CDK14: variants seen among roughly 807,000 people sequenced by gnomAD.
The protein encoded by CDK14 is cyclin-dependent kinase 14.
A neutral mutation model predicts 60.7 loss-of-function variants in CDK14; 34 were observed. The observed-to-expected ratio is 0.56, with a 90% CI of 0.43 to 0.75. The LOEUF is 0.75. CDK14 is among the 30% of genes least tolerant of loss of function. CDK14 has a pLI of 0.00. For synonymous variants in CDK14, 197 were observed against 203.7 expected, an observed-to-expected ratio of 0.97 and a Z score of 0.28; for missense variants, 482 against 564.1, an observed-to-expected ratio of 0.85 and a Z score of 1.47.
chr7:90,640,501 G>T (rs1800299955), intron 2 of CDK14, among the ~76,000 whole-genome samples: 1 of 152,026 alleles, frequency 6.6e-6, no homozygotes, highest in African/African-American at 2.4e-5. Flanking sequence ...ATTTCATTAG[G>T]TTGAAATTTG....
At chr7:90,878,837 T>G (rs1185659215) in intron 6 of CDK14, among the ~76,000 whole-genome samples, 1 of 152,222 alleles carries the variant, frequency 6.6e-6, no homozygotes, top group Non-Finnish European at 1.5e-5. Context: ...TAACTTTTTC[T>G]AAGGCTACTA....
chr7:90,835,778 G>T (rs1431411907), intron 5 of CDK14, among the ~76,000 whole-genome samples: 2 of 152,102 alleles, frequency 1.3e-5, no homozygotes, highest in African/African-American at 4.8e-5. Context: ...GTACCGTTAG[G>T]TGATTCCATC....
intron 5 of CDK14, among the ~76,000 whole-genome samples, chr7:90,861,612 G>A (rs767033686): frequency 2.0e-5 from 3 of 152,126 alleles, no homozygotes; most frequent in Non-Finnish European, 2.9e-5. Context: ...AGAGTCAAAC[G>A]GTGGTACCTG....
intron 2 of CDK14, among the ~76,000 whole-genome samples, chr7:90,617,046 T>A (rs1799664924): frequency 6.6e-6 from 1 of 152,198 alleles, no homozygotes; most frequent in Non-Finnish European, 1.5e-5. Flanking sequence ...ATTTTAATAT[T>A]TGCTATTAAG....
intron 5 of CDK14, among the ~76,000 whole-genome samples, chr7:90,830,614 G>A (rs1348593077): frequency 1.3e-5 from 2 of 152,128 alleles, no homozygotes; most frequent in African/African-American, 4.8e-5. Context: ...TATCTCCCCA[G>A]AAAATGGGTT....
At chr7:91,142,970 G>A (rs1039679930) in intron 14 of CDK14, among the ~76,000 whole-genome samples, 1 of 152,192 alleles carries the variant, frequency 6.6e-6, no homozygotes, top group Non-Finnish European at 1.5e-5. Context: ...TTACAGTGCA[G>A]TAGATGACAT....
chr7:90,942,416 T>A (rs1562837896), intron 8 of CDK14, among the ~76,000 whole-genome samples: 1 of 152,066 alleles, frequency 6.6e-6, no homozygotes, highest in Non-Finnish European at 1.5e-5. Context: ...GAAGAAGAAA[T>A]GGGTTGAGAA....
At chr7:90,996,391 A>G (rs1795681633) in intron 10 of CDK14, among the ~76,000 whole-genome samples, 1 of 152,186 alleles carries the variant, frequency 6.6e-6, no homozygotes, top group Admixed American at 6.5e-5. Context: ...CTCTTGCCCA[A>G]CGCCCTGCAA....
chr7:90,625,862 A>C (rs1799865092), intron 2 of CDK14, among the ~76,000 whole-genome samples: 1 of 152,204 alleles, frequency 6.6e-6, no homozygotes, highest in African/African-American at 2.4e-5. Context: ...TCTTATTCCC[A>C]AACTGAATCT....
At chr7:90,952,793 A>G (rs1358492159) in intron 8 of CDK14, among the ~76,000 whole-genome samples, 1 of 152,202 alleles carries the variant, frequency 6.6e-6, no homozygotes, top group Non-Finnish European at 1.5e-5. Flanking sequence ...AGAACAGAGA[A>G]AGAAAGCTTT....
chr7:91,124,909 T>C (rs1799896116), intron 14 of CDK14, among the ~76,000 whole-genome samples: 1 of 152,144 alleles, frequency 6.6e-6, no homozygotes, highest in African/African-American at 2.4e-5. Context: ...TCTTATGAAT[T>C]TGGGATACAG....
intron 2 of CDK14, chr7:90,710,011 G>A: frequency 1.1e-6 from 1 of 944,032 alleles, no homozygotes; most frequent in Non-Finnish European, 1.3e-6. Flanking sequence ...GGAGCATCTC[G>A]GCAAGTCTGA....
rs531528419 is a variant in CDK14 at position 90,706,012 on chromosome 7, G to A, written c.124-20555G>A. 6.6e-5 allele frequency among the ~76,000 whole-genome samples: 10 copies of A among 152,190 alleles called. No individual in the cohort carries two copies. In the South Asian group the frequency reaches 2.1e-3, roughly 32 times the overall value. ...CTCATATAAAGACAGGCATTTCAAA[G>A]GATCGATTTTTGTTTACTCACAAAA... On this transcript the variant is annotated intron_variant, in intron 2 of 14. Transcript: ENST00000380050.
At chr7:91,127,034 C>T (rs1226443547) in intron 14 of CDK14, among the ~76,000 whole-genome samples, 1 of 152,042 alleles carries the variant, frequency 6.6e-6, no homozygotes, top group African/African-American at 2.4e-5. Context: ...GGGGGTGCCA[C>T]CTGGAACAGA....
At chr7:90,778,281 A>G (rs1172502191) in intron 4 of CDK14, among the ~76,000 whole-genome samples, 1 of 152,226 alleles carries the variant, frequency 6.6e-6, no homozygotes, top group Non-Finnish European at 1.5e-5. Flanking sequence ...CTTAGATGCT[A>G]AAATCAGGAA....
At chr7:91,141,645 G>A (rs530865300) in intron 14 of CDK14, among the ~76,000 whole-genome samples, 6 of 152,032 alleles carry the variant, frequency 3.9e-5, no homozygotes, top group Admixed American at 6.5e-5. Context: ...GGTGCATCTC[G>A]GCTACCAGCT....
intron 14 of CDK14, among the ~76,000 whole-genome samples, chr7:91,129,230 A>G (rs1453298604): frequency 6.6e-6 from 1 of 152,166 alleles, no homozygotes; most frequent in Non-Finnish European, 1.5e-5. Flanking sequence ...TAGTGGTGCA[A>G]AAGCAATGGA....
chr7:90,624,509 AG>A (rs1287454034), intron 2 of CDK14, among the ~76,000 whole-genome samples: 1 of 152,108 alleles, frequency 6.6e-6, no homozygotes, highest in Non-Finnish European at 1.5e-5. Flanking sequence ...TGTATTCTTT[AG>A]GTACCTCAAG....
At chr7:90,717,307 C>T (rs1802283335) in intron 2 of CDK14, among the ~76,000 whole-genome samples, 1 of 152,036 alleles carries the variant, frequency 6.6e-6, no homozygotes, top group African/African-American at 2.4e-5. Flanking sequence ...ATTATTTTAA[C>T]AACATATACC....
Sources: gnomAD v4.1 joint callset for allele counts (sites outside exome capture counted in the v4.1 genomes callset) on GRCh38, gnomAD v4.1.1 for gene constraint, MANE v1.5 for transcripts, NCBI Gene and HGNC (gene_info 2026-07-23, HGNC 2026-07-21) for gene names.